Variants in NRXN3 observed in about 807,000 individuals in gnomAD.
NRXN3 encodes neurexin 3.
A neutral mutation model predicts 137.6 loss-of-function variants in NRXN3; 32 were observed. That is an observed-to-expected ratio of 0.23 (90% CI 0.18 to 0.31). The LOEUF (loss-of-function observed/expected upper bound fraction) is 0.31, where lower values mean the gene tolerates loss of function less well. Ranked by LOEUF, NRXN3 falls within the 10% of genes least tolerant of loss-of-function variation. The pLI, the probability that NRXN3 is intolerant of heterozygous loss-of-function variation, is 1.00. For synonymous variants in NRXN3, 798 were observed against 784.5 expected (o/e 1.02, Z -0.29); for missense variants, 1,574 against 2,062.5 (o/e 0.76, Z 4.59).
intron 16 of NRXN3, among the ~76,000 whole-genome samples, chr14:79,658,932 G>A (rs2153982083): frequency 6.6e-6 from 1 of 152,294 alleles, no homozygotes; most frequent in Middle Eastern, 3.4e-3. Context: ...GGGGCAGTCT[G>A]GAATGAACGA....
At position 78,726,977 on chromosome 14, in the gene NRXN3, AAC is replaced by A. The variant is rs1555459125; in HGVS notation, c.2044+11839_2044+11840del. Among the ~76,000 whole-genome samples, 93 of 151,806 alleles carry A rather than the reference AAC, an allele frequency of 6.1e-4. 1 individual carries two copies. The highest frequency in any genetic ancestry group is 2.1e-3 in the African/African-American group (89 of 41,444). ...TATTCACTAAAAAAAAAAAAAAAAA[AAC>A]CTTCACTAGGTGCTTATCATGCCAT... is the stretch of plus-strand genomic sequence containing the variant. On this transcript the variant is annotated intron_variant, in intron 8 of 20. Transcript: ENST00000335750.
chr14:79,706,800 G>GC (rs1318692298), intron 19 of NRXN3, among the ~76,000 whole-genome samples: 3 of 151,968 alleles, frequency 2.0e-5, no homozygotes, highest in South Asian at 2.1e-4. Context: ...ATGACACACC[G>GC]CCCCCCTTTC....
At chr14:78,238,654 G>C (rs906422274) in intron 1 of NRXN3, among the ~76,000 whole-genome samples, 3 of 152,254 alleles carry the variant, frequency 2.0e-5, no homozygotes, top group Non-Finnish European at 2.9e-5. Context: ...AATGTGGATA[G>C]ACCATAGAGG....
At chr14:79,665,709 C>T (rs1205788584) in intron 17 of NRXN3, among the ~76,000 whole-genome samples, 2 of 152,098 alleles carry the variant, frequency 1.3e-5, no homozygotes, top group East Asian at 3.9e-4. Flanking sequence ...AAGTTTGCTG[C>T]CAGCAATGAG....
At chr14:79,378,534 C>T (rs866713059) in intron 15 of NRXN3, among the ~76,000 whole-genome samples, 7 of 152,138 alleles carry the variant, frequency 4.6e-5, no homozygotes, top group African/African-American at 1.4e-4. Flanking sequence ...ATAGAAGAGT[C>T]GGAAGTACAG....
intron 19 of NRXN3, among the ~76,000 whole-genome samples, chr14:79,740,730 A>ATATATATATATATTT (rs2098959545): frequency 6.6e-5 from 2 of 30,304 alleles, no homozygotes; most frequent in African/African-American, 2.6e-4. Context: ...ATATATATAT[A>ATATATATATATATTT]TATATATATA....
chr14:78,272,173 A>G (rs534428046), intron 2 of NRXN3, among the ~76,000 whole-genome samples: 2 of 152,182 alleles, frequency 1.3e-5, no homozygotes, highest in South Asian at 4.2e-4. Context: ...AGGCAAGACT[A>G]TACATGGAGG....
chr14:78,833,529 G>A (rs2098988148), intron 10 of NRXN3, among the ~76,000 whole-genome samples: 1 of 152,130 alleles, frequency 6.6e-6, no homozygotes, highest in Non-Finnish European at 1.5e-5. Context: ...TTACTTTGCT[G>A]CTTTCCTAAG....
intron 16 of NRXN3, among the ~76,000 whole-genome samples, chr14:79,657,021 A>G (rs1261873096): frequency 6.6e-6 from 1 of 152,002 alleles, no homozygotes; most frequent in Non-Finnish European, 1.5e-5. Flanking sequence ...TATTAGTACT[A>G]TTTCTCAGCT....
At chr14:79,136,066 A>G (rs964279654) in intron 15 of NRXN3, among the ~76,000 whole-genome samples, 1 of 152,224 alleles carries the variant, frequency 6.6e-6, no homozygotes, top group East Asian at 1.9e-4. Context: ...AGTTAAATTT[A>G]TAGTCACAAA....
chr14:79,380,149 CT>C (rs949863265), intron 15 of NRXN3, among the ~76,000 whole-genome samples: 1,691 of 48,936 alleles, frequency 0.035, 30 homozygotes, highest in East Asian at 0.17. Context: ...TATACTTCTT[CT>C]TTTTTTTTTT....
At chr14:79,277,308 G>A (rs1171053092) in intron 15 of NRXN3, among the ~76,000 whole-genome samples, 2 of 152,192 alleles carry the variant, frequency 1.3e-5, no homozygotes, top group African/African-American at 2.4e-5. Context: ...TCTGGCAGGA[G>A]ATGGAGCTGA....
At chr14:79,383,278 C>T (rs772887091) in intron 15 of NRXN3, among the ~76,000 whole-genome samples, 11 of 152,078 alleles carry the variant, frequency 7.2e-5, no homozygotes, top group Non-Finnish European at 1.0e-4. Flanking sequence ...CCCTCCTATG[C>T]CTTTCATTTG....
intron 15 of NRXN3, among the ~76,000 whole-genome samples, chr14:79,267,962 T>C (rs764025004): frequency 1.8e-4 from 27 of 152,254 alleles, no homozygotes; most frequent in Admixed American, 2.6e-4. Flanking sequence ...TTCAGATATG[T>C]CCATTATTTC....
intron 8 of NRXN3, among the ~76,000 whole-genome samples, chr14:78,721,824 C>A (rs1288302046): frequency 6.6e-6 from 1 of 151,972 alleles, no homozygotes; most frequent in African/African-American, 2.4e-5. Context: ...AATTCATTTA[C>A]ATAAATCAAA....
At chr14:79,322,201 A>T (rs2090147254) in intron 15 of NRXN3, among the ~76,000 whole-genome samples, 1 of 152,216 alleles carries the variant, frequency 6.6e-6, no homozygotes, top group Non-Finnish European at 1.5e-5. Flanking sequence ...AAACAAACTC[A>T]CGAGGAAGTA....
chr14:79,110,287 G>A (rs1223383349), intron 15 of NRXN3, among the ~76,000 whole-genome samples: 1 of 152,218 alleles, frequency 6.6e-6, no homozygotes, highest in Non-Finnish European at 1.5e-5. Flanking sequence ...AAACTACAAA[G>A]AGCATCTGCG....
At chr14:78,801,551 G>T (rs892887654) in intron 8 of NRXN3, among the ~76,000 whole-genome samples, 1 of 152,046 alleles carries the variant, frequency 6.6e-6, no homozygotes, top group African/African-American at 2.4e-5. Context: ...ACAGCATGGG[G>T]GAAACCACCC....
At chr14:79,267,243 A>C (rs1179774498) in intron 15 of NRXN3, among the ~76,000 whole-genome samples, 1 of 152,210 alleles carries the variant, frequency 6.6e-6, no homozygotes, top group African/African-American at 2.4e-5. Context: ...CATTGCTTTA[A>C]TATTCTCTTA....
Sources: gnomAD v4.1 joint callset for allele counts (sites outside exome capture counted in the v4.1 genomes callset) on GRCh38, gnomAD v4.1.1 for gene constraint, MANE v1.5 for transcripts, NCBI Gene and HGNC (gene_info 2026-07-23, HGNC 2026-07-21) for gene names.